RGS7BP: variants seen among roughly 807,000 people sequenced by gnomAD.
RGS7BP encodes the protein regulator of G protein signaling 7-binding protein.
RGS7BP carries 9 observed loss-of-function variants against 31.3 expected under a neutral mutation model. That is an observed-to-expected ratio of 0.29 (90% CI 0.17 to 0.50). RGS7BP has a LOEUF of 0.50. Among genes scored for constraint, RGS7BP ranks in the 20% least tolerant of loss-of-function variants. The probability of loss-of-function intolerance (pLI) is 0.98; values close to 1 mark genes in which losing one functional copy is unlikely to be tolerated. For missense variants in RGS7BP, 274 were observed against 322.0 expected (o/e 0.85, Z 1.14); for synonymous variants, 115 against 120.1 (o/e 0.96, Z 0.28).
In RGS7BP at chr5:64,594,862, G is replaced by A. The variant is rs1743022164; in HGVS notation, c.611+5G>A. The A allele has an allele frequency of 6.2e-7, 1 of 1,613,196 alleles. No homozygotes were observed. Among genetic ancestry groups the A allele is most frequent in the Non-Finnish European group, 8.5e-7 (1 of 1,179,372 alleles). ...AGACATTGAGAACACTGAAAGGTAA[G>A]TGGGAAGTTACCCTGAATAGACTGC... On this transcript the variant is annotated splice_donor_5th_base_variant and intron_variant, in intron 4 of 5. Coordinates refer to ENST00000334025, the MANE Select transcript of RGS7BP (RefSeq NM_001029875.3).
intron 5 of RGS7BP, among the ~76,000 whole-genome samples, chr5:64,604,229 A>G (rs1743295945): frequency 6.6e-6 from 1 of 151,960 alleles, no homozygotes; most frequent in Non-Finnish European, 1.5e-5. Context: ...ACCTTCACCA[A>G]ATGTCCAAGT....
intron 2 of RGS7BP, among the ~76,000 whole-genome samples, chr5:64,535,478 C>T (rs113958948): frequency 0.011 from 1,741 of 152,242 alleles, 37 homozygotes; most frequent in African/African-American, 0.039. Context: ...GAAAGATGCT[C>T]CCTCCCAGCC....
At position 64,598,379 on chromosome 5, in the gene RGS7BP, T is replaced by C. The variant is rs150104966; in HGVS notation, c.626T>C (p.Met209Thr). The C allele has an allele frequency of 2.4e-5, 38 of 1,593,214 alleles. No individual in the cohort carries two copies. The highest frequency in any genetic ancestry group is 6.7e-5 in the Admixed American group (4 of 59,940). ...CAATTTTACAGAGACATGAGAGAAA[T>C]GAAAAACCTTTTAAGCAAACTCAGG... ...IENTERDMREMKNLLSKLRET... is the reference protein window; with the variant it reads ...IENTERDMRETKNLLSKLRET... Residue 209 changes from methionine to threonine, a missense_variant, in exon 5 of 6, where the codon ATG (methionine) becomes ACG (threonine). Physicochemically the swap from Met to Thr is moderately conservative, Grantham distance 81. This residue lies in a region of RGS7BP where 112 missense variants were observed against 130.9 expected (regional missense o/e 0.86). Transcript: ENST00000334025.
rs577976830 is a variant in RGS7BP, at chr5:64,596,505, C to T, written c.611+1648C>T. ...AGAATTGGTGCTTTATTAGAGGAGA[C>T]AGTGCCTCAATCCCCCATGTTGCAT... On this transcript the variant is annotated intron_variant, in intron 4 of 5. Transcript: ENST00000334025. Among the ~76,000 whole-genome samples, 6 of 152,248 alleles carry T rather than the reference C, an allele frequency of 3.9e-5. No individual in the cohort carries two copies. The South Asian group carries it at 1.2e-3, about 32-fold the overall frequency.
chr5:64,590,466 G>A (rs1422488314), intron 3 of RGS7BP, among the ~76,000 whole-genome samples: 1 of 151,878 alleles, frequency 6.6e-6, no homozygotes, highest in Non-Finnish European at 1.5e-5. Flanking sequence ...AGAGAAAACT[G>A]CATTCAACTT....
chr5:64,554,514 G>A (rs1484354476), intron 2 of RGS7BP, among the ~76,000 whole-genome samples: 1 of 152,150 alleles, frequency 6.6e-6, no homozygotes, highest in East Asian at 1.9e-4. Context: ...TAGGGAAAAT[G>A]TACCACCAGC....
chr5:64,554,083 C>A (rs1741863044), intron 2 of RGS7BP, among the ~76,000 whole-genome samples: 1 of 152,184 alleles, frequency 6.6e-6, no homozygotes, highest in South Asian at 2.1e-4. Flanking sequence ...TGCCCTTCTC[C>A]ACCCTATATC....
intron 3 of RGS7BP, among the ~76,000 whole-genome samples, chr5:64,585,535 G>A (rs1742724108): frequency 6.6e-6 from 1 of 152,024 alleles, no homozygotes; most frequent in South Asian, 2.1e-4. Flanking sequence ...TAGAGTGGGT[G>A]TGATAAAGGA....
At chr5:64,573,369 T>C (rs1329780119) in intron 2 of RGS7BP, among the ~76,000 whole-genome samples, 2 of 152,164 alleles carry the variant, frequency 1.3e-5, no homozygotes. Context: ...TTAAATTACA[T>C]AAAATGTCAT....
intron 2 of RGS7BP, 103 bp downstream of exon 2, chr5:64,507,980 G>C (rs1346196250): frequency 1.0e-6 from 1 of 991,320 alleles, no homozygotes; most frequent in Non-Finnish European, 1.5e-6. Flanking sequence ...ACATATTTGA[G>C]ATTTTAACCT....
chr5:64,534,499 C>T (rs1749456378), intron 2 of RGS7BP, among the ~76,000 whole-genome samples: 2 of 152,012 alleles, frequency 1.3e-5, no homozygotes, highest in Non-Finnish European at 2.9e-5. Flanking sequence ...AGAGGTAAGA[C>T]CAGCAGAATT....
rs1478394853 is a variant in RGS7BP at position 64,582,369 on chromosome 5, CA to C, written c.463+6466del. ...ATTCAATCAGTTGTGGCAACAGCCC[CA>C]TTCTGAAAAGAGCAGAGATGACAGA... is the stretch of plus-strand genomic sequence containing the variant. On this transcript the variant is annotated intron_variant, in intron 3 of 5. Coordinates refer to ENST00000334025, the MANE Select transcript of RGS7BP (RefSeq NM_001029875.3). Among the ~76,000 whole-genome samples the C allele has an allele frequency of 4.6e-5, 7 of 152,350 alleles. No homozygotes were observed. The South Asian group carries it at 1.4e-3, about 32-fold the overall frequency.
chr5:64,532,471 T>C (rs1455794984), intron 2 of RGS7BP, among the ~76,000 whole-genome samples: 1 of 152,152 alleles, frequency 6.6e-6, no homozygotes, highest in Admixed American at 6.5e-5. Flanking sequence ...TAAATACCGT[T>C]TCAAGTGTCA....
chr5:64,514,071 G>T (rs1748910096), intron 2 of RGS7BP, among the ~76,000 whole-genome samples: 1 of 152,156 alleles, frequency 6.6e-6, no homozygotes, highest in Non-Finnish European at 1.5e-5. Context: ...CTAGCTTCTG[G>T]TGGCTTGCTG....
chr5:64,589,968 T>A (rs1742867276), intron 3 of RGS7BP, among the ~76,000 whole-genome samples: 1 of 150,626 alleles, frequency 6.6e-6, no homozygotes. Flanking sequence ...CACTGCATAG[T>A]CCTTAAATGG....
intron 5 of RGS7BP, among the ~76,000 whole-genome samples, chr5:64,606,037 TATAGAGAG>T (rs1026951202): frequency 8.3e-6 from 1 of 121,010 alleles, no homozygotes; most frequent in Admixed American, 8.7e-5. Context: ...TATATATATA[TATAGAGAG>T]AGAGAGAGAG....
chr5:64,515,000 A>T (rs537899640), intron 2 of RGS7BP, among the ~76,000 whole-genome samples: 4 of 152,336 alleles, frequency 2.6e-5, no homozygotes, highest in Non-Finnish European at 4.4e-5. Flanking sequence ...TGTTCCAATT[A>T]GAGAGAAAAT....
chr5:64,529,126 A>T (rs776162272), intron 2 of RGS7BP, among the ~76,000 whole-genome samples: 45 of 152,214 alleles, frequency 3.0e-4, no homozygotes, highest in Non-Finnish European at 6.6e-4. Flanking sequence ...TATTTTGATT[A>T]GAAAAATGTA....
intron 2 of RGS7BP, among the ~76,000 whole-genome samples, chr5:64,532,828 G>T (rs903110813): frequency 6.6e-6 from 1 of 151,972 alleles, no homozygotes. Flanking sequence ...GTAGCGGAGG[G>T]CCTGTCCCAC....
Sources: gnomAD v4.1 joint callset for allele counts (sites outside exome capture counted in the v4.1 genomes callset) on GRCh38, gnomAD v4.1.1 for gene constraint, gnomAD v4.1.1 regional missense constraint, MANE v1.5 for transcripts, NCBI Gene and HGNC (gene_info 2026-07-23, HGNC 2026-07-21) for gene names.